The following SHMT1 variants were observed in gnomAD, a reference collection of about 807,000 sequenced individuals.
SHMT1 encodes the protein serine hydroxymethyltransferase 1.
A neutral mutation model predicts 49.0 loss-of-function variants in SHMT1; 45 were observed. That is an observed-to-expected ratio of 0.92 (90% CI 0.72 to 1.18). SHMT1 has a LOEUF of 1.18. Ranked by LOEUF, SHMT1 falls within the 50% of genes most tolerant of loss-of-function variation. SHMT1 has a pLI of 0.00. For synonymous variants in SHMT1, 232 were observed against 246.6 expected (o/e 0.94, Z 0.55); for missense variants, 541 against 612.4 (o/e 0.88, Z 1.23).
chr17:18,337,487 G>C (rs1371926252), intron 7 of SHMT1, among the ~76,000 whole-genome samples: 1 of 152,176 alleles, frequency 6.6e-6, no homozygotes, highest in African/African-American at 2.4e-5. Context: ...TCTAGTCCCA[G>C]CCAGGGGCTG....
At chr17:18,334,834 G>A (rs528758850) in intron 8 of SHMT1, among the ~76,000 whole-genome samples, 16 of 152,208 alleles carry the variant, frequency 1.1e-4, no homozygotes, top group Non-Finnish European at 1.9e-4. Flanking sequence ...TGCCAAGTGT[G>A]TAGGTGTGAT....
chr17:18,333,961 T>C (rs1041372738), intron 8 of SHMT1, among the ~76,000 whole-genome samples: 3 of 151,604 alleles, frequency 2.0e-5, no homozygotes, highest in African/African-American at 7.3e-5. Flanking sequence ...TTTTGAGAGA[T>C]GGAGTCTCGC....
chr17:18,349,776 T>C (rs1985489479), intron 3 of SHMT1, among the ~76,000 whole-genome samples: 1 of 151,944 alleles, frequency 6.6e-6, no homozygotes, highest in Admixed American at 6.6e-5. Context: ...ATCTCAGCAC[T>C]TTGGGAGGCC....
chr17:18,353,910 CTCTT>C (rs778903654), intron 2 of SHMT1, 93 bp from the exon 3 acceptor site: 11 of 1,087,488 alleles, frequency 1.0e-5, no homozygotes, highest in South Asian at 6.3e-5. Context: ...AGAAAAGACA[CTCTT>C]TCACATTATG....
At chr17:18,333,057 T>C (rs1287676762) in intron 9 of SHMT1, 109 bp downstream of exon 9, 5 of 1,407,382 alleles carry the variant, frequency 3.6e-6, no homozygotes, top group African/African-American at 1.4e-5. Flanking sequence ...GGGCCCATCA[T>C]TGCAGCTGCA....
Position 18,331,999 on chromosome 17 carries a change from G to C in SHMT1, c.1054+1167C>G, listed in dbSNP as rs1455882822. On this transcript the variant is annotated intron_variant, in intron 9 of 11. Coordinates refer to ENST00000316694, the MANE Select transcript of SHMT1 (RefSeq NM_004169.5). ...CATGTGCAGTTCAAACCAGCGTTCA[G>C]CTCCTCTGAGAATCTAATGCTGCCA... is the stretch of plus-strand genomic sequence containing the variant. 3.3e-5 allele frequency: 5 copies of C among 152,352 alleles called. No homozygotes were observed. In the South Asian group the frequency reaches 8.3e-4, roughly 25 times the overall value. 9.4% of individuals were successfully genotyped at this position (152,352 alleles called of 1,614,324 possible).
At chr17:18,351,487 A>G (rs1397314097) in intron 3 of SHMT1, among the ~76,000 whole-genome samples, 1 of 148,378 alleles carries the variant, frequency 6.7e-6, no homozygotes, top group Admixed American at 6.7e-5. Flanking sequence ...GGCTGGGCAC[A>G]GTGGCTCACG....
chr17:18,335,595 C>G lies in SHMT1; in HGVS notation c.895G>C (p.Gly299Arg). Residue 299 changes from glycine to arginine, a missense_variant, in exon 8 of 12, where the codon GGC (glycine) becomes CGC (arginine). By Grantham distance (125) the Gly-to-Arg change is moderately radical. Transcript: ENST00000316694. ...ESLINSAVFP[G>R]LQGGPHNHAI... ...TGGTTGTGGGGACCTCCCTGCAGGC[C>G]AGGGAACACAGCAGAATTGATAAGA... The G allele has an allele frequency of 1.2e-6, 2 of 1,613,898 alleles. No homozygotes were observed. The highest frequency in any genetic ancestry group is 1.7e-6 in the Non-Finnish European group (2 of 1,179,918).
chr17:18,348,780 G>A (rs1280557814), intron 3 of SHMT1: 2 of 516,866 alleles, frequency 3.9e-6, no homozygotes, highest in Non-Finnish European at 7.7e-6. Context: ...TTCGAGACCA[G>A]CCTGGGCAAT....
rs377322111 is a variant in SHMT1 at position 18,353,659 on chromosome 17, G to T, written c.242+13C>A. The T allele has an allele frequency of 1.9e-6, 3 of 1,613,756 alleles. No individual in the cohort carries two copies. The highest frequency in any genetic ancestry group is 1.7e-6 in the Non-Finnish European group (2 of 1,179,824). ...ACTGTGTCAGAACCAGGCCTTTGAA[G>T]ATATTCACATACCTCTGGCCCGGGT... On this transcript the variant is annotated intron_variant, in intron 3 of 11. Coordinates refer to ENST00000316694, the MANE Select transcript of SHMT1 (RefSeq NM_004169.5).
At chr17:18,348,718 T>C in intron 3 of SHMT1, 1 of 549,944 alleles carries the variant, frequency 1.8e-6, no homozygotes, top group Non-Finnish European at 3.6e-6. Flanking sequence ...CTTATACCTA[T>C]AATCCCAGCA....
At chr17:18,337,429 G>A (rs1004656978) in intron 7 of SHMT1, among the ~76,000 whole-genome samples, 2 of 152,222 alleles carry the variant, frequency 1.3e-5, no homozygotes, top group African/African-American at 2.4e-5. Context: ...CCTTGGAGGA[G>A]CACAGAGGCA....
At chr17:18,344,523 G>T (rs147850825) in intron 5 of SHMT1, among the ~76,000 whole-genome samples, 47 of 46,632 alleles carry the variant, frequency 1.0e-3, no homozygotes, top group South Asian at 2.7e-3. Context: ...AAAAAAAAAA[G>T]ATTTAAAAAA....
chr17:18,347,779 G>T, intron 4 of SHMT1, 123 bp from the exon 5 acceptor site: 2 of 1,018,834 alleles, frequency 2.0e-6, no homozygotes, highest in Non-Finnish European at 3.0e-6. Context: ...CCTTCCCTGA[G>T]CTCCAGGAGG....
Position 18,338,088 on chromosome 17 carries a change from A to C in SHMT1, c.814+1955T>G, listed in dbSNP as rs1020726069. On this transcript the variant is annotated intron_variant, in intron 7 of 11. Transcript: ENST00000316694. Reference sequence around the variant, plus strand: ...TGGCTGCCCAGTCTGGGAAGTGAGGAGCGCCTCTTCCCGGCCGCCATCCCG... The same window carrying C: ...TGGCTGCCCAGTCTGGGAAGTGAGGCGCGCCTCTTCCCGGCCGCCATCCCG... Among the ~76,000 whole-genome samples, 18 of 146,782 alleles carry C rather than the reference A, an allele frequency of 1.2e-4. 1 individual carries two copies. The highest frequency in any genetic ancestry group is 4.6e-4 in the African/African-American group (18 of 38,918).
At chr17:18,354,213 T>C (rs746515186) in intron 2 of SHMT1, among the ~76,000 whole-genome samples, 11 of 151,500 alleles carry the variant, frequency 7.3e-5, no homozygotes, top group Non-Finnish European at 1.3e-4. Flanking sequence ...AGGTCGGGGG[T>C]TCGAGACCAG....
At position 18,348,452 on chromosome 17, in the gene SHMT1, GAGC is replaced by G. The variant is rs778556825; in HGVS notation, c.243-15_243-13del. ...TCCCGCCATAGTATCTGTGGGAGAAGAGCAGGAGACTTAGATCCACTCAGACCC... is the reference window on the plus strand; with the variant it reads ...TCCCGCCATAGTATCTGTGGGAGAAGAGGAGACTTAGATCCACTCAGACCC... On this transcript the variant is annotated splice_polypyrimidine_tract_variant and intron_variant, in intron 3 of 11. Transcript: ENST00000316694. 1.3e-6 allele frequency: 2 copies of G among 1,583,130 alleles called. No homozygotes were observed. The highest frequency in any genetic ancestry group is 2.2e-5 in the South Asian group (2 of 90,442).
At chr17:18,333,534 C>T (rs187900226) in intron 8 of SHMT1, 296 of 165,446 alleles carry the variant, frequency 1.8e-3, no homozygotes, top group Non-Finnish European at 2.8e-3. Flanking sequence ...GGTGTGATCT[C>T]GGTTCACTGC....
chr17:18,346,391 A>G (rs886759388), intron 5 of SHMT1, among the ~76,000 whole-genome samples: 4 of 152,200 alleles, frequency 2.6e-5, no homozygotes, highest in African/African-American at 9.7e-5. Context: ...ATAAATCACC[A>G]TGCCTGAATA....
Sources: gnomAD v4.1 joint callset for allele counts (sites outside exome capture counted in the v4.1 genomes callset) on GRCh38, gnomAD v4.1.1 for gene constraint, MANE v1.5 for transcripts, NCBI Gene and HGNC (gene_info 2026-07-23, HGNC 2026-07-21) for gene names.